The following EDAR variants were observed in gnomAD, a reference collection of about 807,000 sequenced individuals.
The protein encoded by EDAR is tumor necrosis factor receptor superfamily member EDAR.
Under a neutral mutation model 51.3 loss-of-function variants are expected in EDAR, and 38 were observed. The observed-to-expected ratio is 0.74, with a 90% CI of 0.57 to 0.97. EDAR has a LOEUF of 0.97. Ranked by LOEUF, EDAR falls within the 50% of genes least tolerant of loss-of-function variation. The pLI, the probability that EDAR is intolerant of heterozygous loss-of-function variation, is 0.00. For synonymous variants in EDAR, 227 were observed against 242.1 expected (o/e 0.94, Z 0.58); for missense variants, 528 against 595.0 (o/e 0.89, Z 1.17).
At chr2:108,953,618 G>A (rs571213540) in intron 1 of EDAR, among the ~76,000 whole-genome samples, 12 of 152,182 alleles carry the variant, frequency 7.9e-5, no homozygotes, top group Non-Finnish European at 1.2e-4. Context: ...GGTAGACCAG[G>A]ACACAACCAG....
chr2:108,905,105 A>G (rs765774814), intron 11 of EDAR, among the ~76,000 whole-genome samples: 1 of 152,212 alleles, frequency 6.6e-6, no homozygotes, highest in Admixed American at 6.5e-5. Flanking sequence ...CTGACTAATT[A>G]CATCAGGGTG....
chr2:108,970,302 T>C (rs996848100), intron 1 of EDAR, among the ~76,000 whole-genome samples: 1 of 152,124 alleles, frequency 6.6e-6, no homozygotes, highest in African/African-American at 2.4e-5. Flanking sequence ...CATGAGATGT[T>C]TGGAGTCAGT....
At chr2:108,903,718 C>G (rs1696746938) in intron 11 of EDAR, among the ~76,000 whole-genome samples, 2 of 152,064 alleles carry the variant, frequency 1.3e-5, no homozygotes, top group Admixed American at 1.3e-4. Context: ...GAACTTTGAC[C>G]CAAGTTTCAT....
At chr2:108,900,834 A>G (rs1011569403) in intron 11 of EDAR, among the ~76,000 whole-genome samples, 2 of 152,336 alleles carry the variant, frequency 1.3e-5, no homozygotes, top group African/African-American at 4.8e-5. Flanking sequence ...TAAAGGGTCA[A>G]TCCAAGAAGA....
intron 1 of EDAR, among the ~76,000 whole-genome samples, chr2:108,940,556 G>A (rs987044276): frequency 3.9e-5 from 6 of 152,246 alleles, no homozygotes; most frequent in Non-Finnish European, 7.3e-5. Context: ...CAGATCGGGC[G>A]GAGGTGAGAG....
In EDAR at chr2:108,894,782, T is replaced by C. The variant is rs1402830188; in HGVS notation, c.*2125A>G. On this transcript the variant is annotated 3_prime_UTR_variant, in exon 12 of 12. Transcript: ENST00000258443. ...TAAATGACAAGGGAATTTGTAACTATATAAGGAATAGCTCCCTAAAAATGG... is the reference window on the plus strand; with the variant it reads ...TAAATGACAAGGGAATTTGTAACTACATAAGGAATAGCTCCCTAAAAATGG... 2.6e-5 allele frequency: 4 copies of C among 152,168 alleles called. No homozygotes were observed. In the East Asian group the frequency reaches 7.7e-4, roughly 29 times the overall value. The allele number at this position is 152,168 out of a possible 1,614,324, so 9.4% of individuals were successfully genotyped here. A position where few individuals can be genotyped will look rare whatever the true frequency, so the allele number is the denominator to read the frequency against.
At position 108,896,956 on chromosome 2, in the gene EDAR, T is replaced by G; in HGVS notation, c.1298A>C (p.Glu433Ala). 1 of 1,613,570 alleles carries G rather than the reference T, an allele frequency of 6.2e-7. No homozygotes were observed. The highest frequency in any genetic ancestry group is 8.5e-7 in the Non-Finnish European group (1 of 1,179,836). ...GGCAGGTGGCACAACCCCCGCCCAC[T>G]CCAGTATGTCTGCACACAAGGACTC... ...AVESLCADIL[E>A]WAGVVPPASQ... Residue 433 changes from glutamate to alanine, a missense_variant, in exon 12 of 12, where the codon GAG (glutamate) becomes GCG (alanine). Physicochemically the swap from Glu to Ala is moderately radical, Grantham distance 107. Transcript: ENST00000258443.
intron 1 of EDAR, among the ~76,000 whole-genome samples, chr2:108,982,752 C>T (rs146966058): frequency 1.9e-4 from 29 of 152,206 alleles, no homozygotes; most frequent in Middle Eastern, 3.4e-3. Context: ...GACTCAAAAC[C>T]GAGTGTCCCG....
chr2:108,961,846 C>T (rs1698053374), intron 1 of EDAR, among the ~76,000 whole-genome samples: 1 of 152,186 alleles, frequency 6.6e-6, no homozygotes, highest in African/African-American at 2.4e-5. Flanking sequence ...ACACTAATGG[C>T]CCCTGTGCTG....
At chr2:108,983,531 C>A (rs556522763) in intron 1 of EDAR, among the ~76,000 whole-genome samples, 45 of 152,262 alleles carry the variant, frequency 3.0e-4, no homozygotes, top group Middle Eastern at 3.4e-3. Context: ...TTCATCAGAC[C>A]CCAACCAGAC....
rs759357941 is a variant in EDAR at position 108,930,240 on chromosome 2, C to T, written c.54G>A (p.Val18=). 7 of 1,613,966 alleles carry T rather than the reference C, an allele frequency of 4.3e-6. No homozygotes were observed. The highest frequency in any genetic ancestry group is 5.1e-6 in the Non-Finnish European group (6 of 1,180,014). The change falls in exon 3 of 12, where the codon GTG becomes GTA. Residue 18 remains valine, a splice_region_variant and synonymous_variant. Coordinates refer to ENST00000258443, the MANE Select transcript of EDAR (RefSeq NM_022336.4). The stretch of plus-strand genomic sequence containing the variant: ...CCGCTCGGGCTGAGCACATCAGAGA[C>T]ACCTGCCAACAAAGGGGGGTGTTGT... ...TQTPWLPVLV[V]SLMCSARAEY...
rs1293210073 is a variant in EDAR at position 108,896,960 on chromosome 2, G to A, written c.1294C>T (p.Leu432=). The A allele has an allele frequency of 1.5e-5, 25 of 1,613,670 alleles. No homozygotes were observed. The highest frequency in any genetic ancestry group is 1.9e-5 in the Non-Finnish European group (23 of 1,179,888). The change falls in exon 12 of 12, where the codon CTG becomes TTG. Residue 432 remains leucine (L), a synonymous_variant. Coordinates refer to ENST00000258443, the MANE Select transcript of EDAR (RefSeq NM_022336.4). ...GGTGGCACAACCCCCGCCCACTCCA[G>A]TATGTCTGCACACAAGGACTCCACA... ...DAVESLCADI[L]EWAGVVPPAS... is the part of the protein sequence containing the mutation.
chr2:108,898,880 CTCAA>C (rs1696651022), intron 11 of EDAR, among the ~76,000 whole-genome samples: 2 of 152,076 alleles, frequency 1.3e-5, no homozygotes, highest in Admixed American at 6.6e-5. Context: ...GTGGAAATTA[CTCAA>C]TCAGAGAAAA....
intron 1 of EDAR, among the ~76,000 whole-genome samples, chr2:108,970,153 G>A (rs1179020052): frequency 2.0e-5 from 3 of 152,148 alleles, no homozygotes; most frequent in East Asian, 1.9e-4. Flanking sequence ...ACTGAGAGGG[G>A]AGCATCGCCT....
chr2:108,988,787 A>C (rs1225222362), intron 1 of EDAR, among the ~76,000 whole-genome samples, 173 bp downstream of exon 1: 1 of 152,196 alleles, frequency 6.6e-6, no homozygotes, highest in African/African-American at 2.4e-5. Flanking sequence ...GAACAATCTC[A>C]GGTCTTAGAA....
chr2:108,929,574 C>G (rs1697327372), intron 3 of EDAR, among the ~76,000 whole-genome samples, 195 bp from the exon 4 acceptor site: 1 of 152,218 alleles, frequency 6.6e-6, no homozygotes, highest in Non-Finnish European at 1.5e-5. Context: ...CCTCTCCTCG[C>G]CACTCTCAGG....
At chr2:108,897,565 A>T (rs569124976) in intron 11 of EDAR, among the ~76,000 whole-genome samples, 3 of 152,294 alleles carry the variant, frequency 2.0e-5, no homozygotes, top group Admixed American at 2.0e-4. Context: ...TTAGTTGGGT[A>T]ACCCTGTCTC....
intron 9 of EDAR, among the ~76,000 whole-genome samples, chr2:108,909,777 A>C (rs1696881579): frequency 6.6e-6 from 1 of 152,200 alleles, no homozygotes; most frequent in African/African-American, 2.4e-5. Flanking sequence ...CCACACCTTC[A>C]TGTGTGGTAA....
chr2:108,970,427 A>G (rs555821197), intron 1 of EDAR, among the ~76,000 whole-genome samples: 1 of 152,246 alleles, frequency 6.6e-6, no homozygotes, highest in African/African-American at 2.4e-5. Flanking sequence ...AGAGGCTGAG[A>G]TATGAAGTGA....
Sources: gnomAD v4.1 joint callset for allele counts (sites outside exome capture counted in the v4.1 genomes callset) on GRCh38, gnomAD v4.1.1 for gene constraint, MANE v1.5 for transcripts, NCBI Gene and HGNC (gene_info 2026-07-23, HGNC 2026-07-21) for gene names.